Variants in NRXN3 observed in about 807,000 individuals in gnomAD.
The protein encoded by NRXN3 is neurexin 3, also known as neurexin III.
NRXN3 carries 32 observed loss-of-function variants against 137.6 expected under a neutral mutation model. The ratio of observed to expected loss-of-function variants is 0.23; its 90% CI spans 0.18 to 0.31. NRXN3 has a LOEUF of 0.31. Among genes scored for constraint, NRXN3 ranks in the 10% least tolerant of loss-of-function variants. The probability of loss-of-function intolerance (pLI) is 1.00; values close to 1 mark genes in which losing one functional copy is unlikely to be tolerated. For missense variants in NRXN3, 1,574 were observed against 2,062.5 expected, an observed-to-expected ratio of 0.76 and a Z score of 4.59; for synonymous variants, 798 against 784.5, an observed-to-expected ratio of 1.02 and a Z score of -0.29.
At chr14:79,202,503 A>G (rs2066181579) in intron 15 of NRXN3, among the ~76,000 whole-genome samples, 1 of 152,002 alleles carries the variant, frequency 6.6e-6, no homozygotes, top group Middle Eastern at 3.2e-3. Context: ...ACACTGTACC[A>G]TATTTGTAGT....
chr14:79,712,458 T>G (rs2098807887), intron 19 of NRXN3, among the ~76,000 whole-genome samples: 1 of 152,254 alleles, frequency 6.6e-6, no homozygotes. Context: ...ATACATGAAC[T>G]GACTTGTTCC....
chr14:78,387,044 A>C (rs1351458290), intron 4 of NRXN3, among the ~76,000 whole-genome samples: 3 of 151,982 alleles, frequency 2.0e-5, no homozygotes, highest in East Asian at 3.9e-4. Flanking sequence ...GCCTCCCAAA[A>C]TGCTGGGATT....
At chr14:79,635,317 G>C (rs1426644308) in intron 16 of NRXN3, among the ~76,000 whole-genome samples, 3 of 152,154 alleles carry the variant, frequency 2.0e-5, no homozygotes, top group African/African-American at 7.2e-5. Context: ...CTCTTGATCG[G>C]ACTTTGATGG....
At chr14:78,910,937 G>T (rs2099235558) in intron 10 of NRXN3, among the ~76,000 whole-genome samples, 1 of 152,024 alleles carries the variant, frequency 6.6e-6, no homozygotes, top group South Asian at 2.1e-4. Flanking sequence ...TCAATGCAAT[G>T]GATATTTGAA....
chr14:78,836,180 G>A (rs2098996290), intron 10 of NRXN3, among the ~76,000 whole-genome samples: 1 of 152,006 alleles, frequency 6.6e-6, no homozygotes, highest in Non-Finnish European at 1.5e-5. Flanking sequence ...AAATTTTCCA[G>A]AACACAGAGA....
intron 4 of NRXN3, among the ~76,000 whole-genome samples, chr14:78,565,657 C>T (rs1027682685): frequency 3.9e-5 from 6 of 152,250 alleles, no homozygotes; most frequent in South Asian, 2.1e-4. Flanking sequence ...TGATAATAAA[C>T]GTAAAAGTAC....
At chr14:78,356,318 TC>T (rs141770593) in intron 4 of NRXN3, among the ~76,000 whole-genome samples, 4,669 of 152,360 alleles carry the variant, frequency 0.031, 113 homozygotes, top group Non-Finnish European at 0.045. Context: ...GCCCTTATTC[TC>T]CTGATGAGGA....
intron 6 of NRXN3, among the ~76,000 whole-genome samples, chr14:78,662,898 C>G (rs2097852538): frequency 6.6e-6 from 1 of 152,192 alleles, no homozygotes; most frequent in Admixed American, 6.5e-5. Flanking sequence ...AAAACCGTTA[C>G]AACCACAGCA....
intron 2 of NRXN3, among the ~76,000 whole-genome samples, chr14:78,254,791 C>T (rs1440655623): frequency 2.6e-5 from 4 of 152,004 alleles, no homozygotes; most frequent in Non-Finnish European, 5.9e-5. Flanking sequence ...GACACACCAA[C>T]AGAAATAAAG....
At chr14:79,619,063 G>T (rs221505) in intron 16 of NRXN3, among the ~76,000 whole-genome samples, 50,861 of 151,654 alleles carry the variant, frequency 0.34, 11,419 homozygotes, top group African/African-American at 0.65. Context: ...TTTGATTTTT[G>T]TGTTGAATTG....
intron 20 of NRXN3, among the ~76,000 whole-genome samples, chr14:79,839,992 T>G (rs2099352568): frequency 9.7e-6 from 1 of 103,294 alleles, no homozygotes; most frequent in Non-Finnish European, 2.2e-5. Flanking sequence ...TGTATGTATG[T>G]ATTTAAACGA....
intron 8 of NRXN3, among the ~76,000 whole-genome samples, chr14:78,774,331 T>C (rs2098738313): frequency 6.6e-6 from 1 of 152,242 alleles, no homozygotes; most frequent in Non-Finnish European, 1.5e-5. Context: ...AAGAATCTAA[T>C]ATCCCAAGAT....
intron 4 of NRXN3, among the ~76,000 whole-genome samples, chr14:78,558,395 A>G (rs564913147): frequency 6.6e-6 from 1 of 152,346 alleles, no homozygotes; most frequent in Non-Finnish European, 1.5e-5. Context: ...GTATTAAAGT[A>G]TCTAAACAAA....
At chr14:78,474,768 G>C (rs568670174) in intron 4 of NRXN3, among the ~76,000 whole-genome samples, 13 of 152,214 alleles carry the variant, frequency 8.5e-5, no homozygotes, top group Non-Finnish European at 1.3e-4. Context: ...CTGACCAATA[G>C]CAACAGTTTG....
intron 4 of NRXN3, among the ~76,000 whole-genome samples, chr14:78,383,204 A>G (rs1482342497): frequency 6.6e-6 from 1 of 152,094 alleles, no homozygotes; most frequent in African/African-American, 2.4e-5. Flanking sequence ...ACTCGGAATG[A>G]CTGGAGGCCA....
At chr14:79,318,791 G>C (rs752564977) in intron 15 of NRXN3, among the ~76,000 whole-genome samples, 4 of 152,072 alleles carry the variant, frequency 2.6e-5, no homozygotes, top group Non-Finnish European at 4.4e-5. Context: ...GCATGTTCTT[G>C]TGATTATTCA....
At chr14:78,933,021 T>C (rs193117264) in intron 10 of NRXN3, among the ~76,000 whole-genome samples, 4 of 152,332 alleles carry the variant, frequency 2.6e-5, no homozygotes, top group Admixed American at 2.6e-4. Context: ...AGTTGAAATT[T>C]GGCATGAAAC....
intron 19 of NRXN3, among the ~76,000 whole-genome samples, chr14:79,726,304 G>A (rs2098888989): frequency 6.6e-6 from 1 of 152,178 alleles, no homozygotes; most frequent in Non-Finnish European, 1.5e-5. Context: ...TACCTTGGAA[G>A]TATTAGTGTT....
chr14:78,638,861 G>A (rs1010628755), intron 4 of NRXN3, among the ~76,000 whole-genome samples: 7 of 152,156 alleles, frequency 4.6e-5, no homozygotes, highest in African/African-American at 1.7e-4. Context: ...CATCCCCCAG[G>A]AATGAGTAGA....
Sources: gnomAD v4.1 joint callset for allele counts (sites outside exome capture counted in the v4.1 genomes callset) on GRCh38, gnomAD v4.1.1 for gene constraint, MANE v1.5 for transcripts, NCBI Gene and HGNC (gene_info 2026-07-23, HGNC 2026-07-21) for gene names.